ERC2: variants seen among roughly 807,000 people sequenced by gnomAD.
ERC2 encodes the protein ERC protein 2.
Under a neutral mutation model 114.8 loss-of-function variants are expected in ERC2, and 42 were observed. The ratio of observed to expected loss-of-function variants is 0.37; its 90% CI spans 0.29 to 0.47. The LOEUF (loss-of-function observed/expected upper bound fraction) is 0.47, where lower values mean the gene tolerates loss of function less well. ERC2 is among the 20% of genes least tolerant of loss of function. The pLI, the probability that ERC2 is intolerant of heterozygous loss-of-function variation, is 0.99. For missense variants in ERC2, 939 were observed against 1,150.7 expected (o/e 0.82, Z 2.66); for synonymous variants, 454 against 425.5 (o/e 1.07, Z -0.82).
intron 6 of ERC2, among the ~76,000 whole-genome samples, chr3:56,084,169 C>A (rs2077386349): frequency 6.6e-6 from 1 of 152,098 alleles, no homozygotes; most frequent in African/African-American, 2.4e-5. Context: ...GAGAATACCA[C>A]CTTATCCCAA....
intron 17 of ERC2, among the ~76,000 whole-genome samples, chr3:55,576,320 A>G (rs576750859): frequency 6.6e-6 from 1 of 152,110 alleles, no homozygotes; most frequent in Non-Finnish European, 1.5e-5. Context: ...AAAAAAAAAA[A>G]AAAATAAATC....
intron 13 of ERC2, among the ~76,000 whole-genome samples, chr3:55,907,356 C>T (rs973948601): frequency 6.6e-6 from 1 of 152,180 alleles, no homozygotes; most frequent in African/African-American, 2.4e-5. Flanking sequence ...GATTCCTTAA[C>T]TGTAAATGGA....
At chr3:55,846,852 G>C (rs1179362263) in intron 14 of ERC2, among the ~76,000 whole-genome samples, 1 of 152,132 alleles carries the variant, frequency 6.6e-6, no homozygotes, top group Non-Finnish European at 1.5e-5. Context: ...CTGCCACTGG[G>C]AAACTCAGCA....
intron 1 of ERC2, among the ~76,000 whole-genome samples, chr3:56,444,333 G>A (rs2062462328): frequency 6.6e-6 from 1 of 151,806 alleles, no homozygotes; most frequent in Non-Finnish European, 1.5e-5. Context: ...TATTAATTAG[G>A]TCAAACTGTG....
intron 17 of ERC2, among the ~76,000 whole-genome samples, chr3:55,530,991 CT>C (rs1172271971): frequency 2.6e-5 from 4 of 152,170 alleles, no homozygotes; most frequent in Admixed American, 6.5e-5. Flanking sequence ...CTTTTGAAGT[CT>C]GCTCAGGGAA....
chr3:55,952,196 C>A (rs200045562), intron 12 of ERC2, among the ~76,000 whole-genome samples: 58,193 of 109,760 alleles, frequency 0.53, 17,944 homozygotes, highest in Non-Finnish European at 0.62. Context: ...CTCTCTCTCT[C>A]TCTATATATA....
chr3:55,971,001 C>T (rs143224113), intron 12 of ERC2, among the ~76,000 whole-genome samples: 24 of 152,126 alleles, frequency 1.6e-4, no homozygotes, highest in Admixed American at 1.4e-3. Context: ...GGAATATTAT[C>T]AATAGAAAGG....
chr3:55,692,240 G>C (rs1307362395), intron 16 of ERC2, among the ~76,000 whole-genome samples: 1 of 152,202 alleles, frequency 6.6e-6, no homozygotes, highest in Non-Finnish European at 1.5e-5. Context: ...GGCTCAGTGG[G>C]AGTACGGGAT....
chr3:55,888,299 C>T (rs2063444721), intron 14 of ERC2, 90 bp downstream of exon 14: 2 of 1,407,326 alleles, frequency 1.4e-6, no homozygotes. Flanking sequence ...TTTTTCTGAG[C>T]TCTTTCTTCA....
chr3:55,763,912 G>A (rs1012519048), intron 14 of ERC2, among the ~76,000 whole-genome samples: 15 of 152,004 alleles, frequency 9.9e-5, no homozygotes, highest in Middle Eastern at 3.2e-3. Flanking sequence ...GATATTTTAT[G>A]CCTCTTTTTA....
At chr3:55,680,822 G>C (rs2062022009) in intron 17 of ERC2, among the ~76,000 whole-genome samples, 1 of 152,176 alleles carries the variant, frequency 6.6e-6, no homozygotes, top group Non-Finnish European at 1.5e-5. Context: ...CAACAGGGAG[G>C]GGGAGTATAA....
At chr3:56,222,416 C>A (rs897453027) in intron 3 of ERC2, among the ~76,000 whole-genome samples, 1 of 152,110 alleles carries the variant, frequency 6.6e-6, no homozygotes, top group African/African-American at 2.4e-5. Flanking sequence ...ACCATGGACA[C>A]ACCACCACCA....
At chr3:56,269,292 C>T (rs548023118) in intron 3 of ERC2, among the ~76,000 whole-genome samples, 1 of 152,282 alleles carries the variant, frequency 6.6e-6, no homozygotes, top group East Asian at 1.9e-4. Flanking sequence ...TCATCACAAG[C>T]TTTATTTCAC....
intron 15 of ERC2, among the ~76,000 whole-genome samples, chr3:55,726,541 G>C (rs908096234): frequency 3.3e-5 from 5 of 152,194 alleles, no homozygotes; most frequent in Admixed American, 2.6e-4. Context: ...CATCCTTGTA[G>C]GTGGCTCTCC....
At chr3:56,172,572 GCAAACTC>G (rs2082733916) in intron 4 of ERC2, among the ~76,000 whole-genome samples, 1 of 152,118 alleles carries the variant, frequency 6.6e-6, no homozygotes, top group African/African-American at 2.4e-5. Context: ...ACGGTGACCA[GCAAACTC>G]CCTGAGTTTT....
chr3:55,787,029 T>C (rs933209082), intron 14 of ERC2, among the ~76,000 whole-genome samples: 1 of 152,202 alleles, frequency 6.6e-6, no homozygotes, highest in African/African-American at 2.4e-5. Context: ...CTAGTTTTAA[T>C]ACCAGCTTTC....
rs151322909 is a variant in ERC2 at position 55,565,022 on chromosome 3, G to T, written c.*40-53746C>A. Among the ~76,000 whole-genome samples, 305 of 152,296 alleles carry T rather than the reference G, an allele frequency of 2.0e-3. 1 individual carries two copies. The highest frequency in any genetic ancestry group is 3.5e-3 in the Non-Finnish European group (240 of 68,030). ...AATAACACTTCACTTATAAACTCAG[G>T]CAGTGGGCTGCAGGCCATAGTTTGC... On this transcript the variant is annotated intron_variant, in intron 17 of 17. Transcript: ENST00000288221.
intron 17 of ERC2, among the ~76,000 whole-genome samples, chr3:55,681,399 G>A (rs532180705): frequency 2.0e-5 from 3 of 152,168 alleles, no homozygotes; most frequent in Admixed American, 1.3e-4. Context: ...TTTTATAGGG[G>A]CCATAAATCA....
intron 2 of ERC2, among the ~76,000 whole-genome samples, chr3:56,408,461 C>A (rs979597971): frequency 6.6e-6 from 1 of 151,880 alleles, no homozygotes; most frequent in African/African-American, 2.4e-5. Context: ...CCTGGGGACT[C>A]CCTCCCCCAA....
Sources: allele counts gnomAD v4.1 joint callset (sites outside exome capture counted in the v4.1 genomes callset), GRCh38; gene constraint gnomAD v4.1.1; transcripts MANE v1.5; gene names NCBI Gene and HGNC (gene_info 2026-07-23, HGNC 2026-07-21).